Variants in ACKR2 observed in about 807,000 individuals in gnomAD.
The protein encoded by ACKR2 is C-C chemokine receptor D6.
For missense variants in ACKR2, 457 were observed against 477.3 expected (o/e 0.96, Z 0.40); for synonymous variants, 207 against 192.2 (o/e 1.08, Z -0.64).
chr3:42,859,632 C>T (rs1024839249), intron 2 of ACKR2, among the ~76,000 whole-genome samples: 15 of 152,210 alleles, frequency 9.9e-5, no homozygotes, highest in African/African-American at 1.7e-4. Context: ...CTGCTCACCT[C>T]GGCCTCCCAA....
At chr3:42,859,034 C>T (rs2088352028) in intron 2 of ACKR2, among the ~76,000 whole-genome samples, 1 of 152,014 alleles carries the variant, frequency 6.6e-6, no homozygotes, top group African/African-American at 2.4e-5. Context: ...TGTGAAAAGA[C>T]CAAGCCTACG....
In ACKR2 at chr3:42,865,835, C is replaced by T; in HGVS notation, c.*178C>T. 1.8e-6 allele frequency: 1 copy of T among 568,924 alleles called. No homozygotes were observed. Among genetic ancestry groups the T allele is most frequent in the East Asian group, 3.0e-5 (1 of 33,740 alleles). 35.2% of individuals were successfully genotyped at this position (568,924 alleles called of 1,614,324 possible). ...CTTCTTCCTCCACTTTCTTCACTTG[C>T]TTCCAGGATACCACGCTTTCTTTTC... is the stretch of plus-strand genomic sequence containing the variant. On this transcript the variant is annotated 3_prime_UTR_variant, in exon 3 of 3. Coordinates refer to ENST00000422265, the MANE Select transcript of ACKR2 (RefSeq NM_001296.5).
intron 2 of ACKR2, among the ~76,000 whole-genome samples, chr3:42,860,189 A>AAAAAAG (rs376833790): frequency 9.0e-6 from 1 of 111,520 alleles, no homozygotes; most frequent in African/African-American, 2.9e-5. Context: ...AAAAAAAAAA[A>AAAAAAG]GCAGGGGATG....
In ACKR2 at chr3:42,866,177, C is replaced by CTTT. The variant is rs59894863; in HGVS notation, c.*534_*536dup. 0.28 allele frequency: 33,623 copies of CTTT among 121,716 alleles called. 5,671 individuals carry two copies. The highest frequency in any genetic ancestry group is 0.53 in the East Asian group (2,160 of 4,052). 7.5% of individuals were successfully genotyped at this position (121,716 alleles called of 1,614,324 possible). A position where few individuals can be genotyped will look rare whatever the true frequency, so the allele number is the denominator to read the frequency against. On this transcript the variant is annotated 3_prime_UTR_variant, in exon 3 of 3. Coordinates refer to ENST00000422265, the MANE Select transcript of ACKR2 (RefSeq NM_001296.5). ...TTTTTTTTCTTTCTTTCTTTCTTTT[C>CTTT]TTTTTTTTTTTTTTTTGAGACGGAG...
intron 1 of ACKR2, among the ~76,000 whole-genome samples, chr3:42,813,324 G>A (rs539575676): frequency 4.6e-5 from 7 of 152,230 alleles, no homozygotes; most frequent in Admixed American, 1.3e-4. Context: ...AAAAATATAT[G>A]TATTGGTCTG....
At chr3:42,826,963 T>C (rs1700871644) in intron 2 of ACKR2, among the ~76,000 whole-genome samples, 1 of 152,234 alleles carries the variant, frequency 6.6e-6, no homozygotes, top group Non-Finnish European at 1.5e-5. Context: ...CCCTTGTGAT[T>C]TCTTCTTTGA....
At chr3:42,814,858 A>C (rs13062528) in intron 1 of ACKR2, among the ~76,000 whole-genome samples, 145,530 of 152,244 alleles carry the variant, frequency 0.96, 69,911 homozygotes, top group East Asian at 1. Context: ...GAGCAGTTTC[A>C]AAGGCTTCTT....
intron 2 of ACKR2, among the ~76,000 whole-genome samples, chr3:42,842,155 C>T (rs1325532424): frequency 6.6e-6 from 1 of 152,230 alleles, no homozygotes; most frequent in African/African-American, 2.4e-5. Context: ...GCATTAGAAA[C>T]AGCACAAACT....
At chr3:42,849,904 A>G (rs906875712) in intron 2 of ACKR2, among the ~76,000 whole-genome samples, 1 of 152,230 alleles carries the variant, frequency 6.6e-6, no homozygotes, top group Non-Finnish European at 1.5e-5. Context: ...TTAAAAGTAT[A>G]TAAAAATATA....
chr3:42,845,552 C>T lies in ACKR2; in HGVS notation c.-37-18914C>T, dbSNP rs900431798. On this transcript the variant is annotated intron_variant, in intron 2 of 2. Coordinates refer to ENST00000422265, the MANE Select transcript of ACKR2 (RefSeq NM_001296.5). The stretch of plus-strand genomic sequence containing the variant: ...AATTTTTTTGTATTTTTGGTGGAGA[C>T]GGGGTTTCACTGTGTTAGCCAAGCT... 2.0e-5 allele frequency among the ~76,000 whole-genome samples: 3 copies of T among 152,006 alleles called. No homozygotes were observed. The East Asian group carries it at 5.8e-4, about 29-fold the overall frequency.
intron 2 of ACKR2, among the ~76,000 whole-genome samples, chr3:42,829,524 G>T (rs1357364568): frequency 6.6e-6 from 1 of 152,152 alleles, no homozygotes; most frequent in Non-Finnish European, 1.5e-5. Flanking sequence ...TGAGCTCTTG[G>T]CTCTGCTGCT....
intron 2 of ACKR2, among the ~76,000 whole-genome samples, chr3:42,859,002 G>A (rs1480415828): frequency 6.6e-6 from 1 of 152,024 alleles, no homozygotes; most frequent in Admixed American, 6.6e-5. Flanking sequence ...AACGAACAAA[G>A]CCTCCAAGAA....
At chr3:42,846,761 C>A (rs962658298) in intron 2 of ACKR2, among the ~76,000 whole-genome samples, 1 of 152,170 alleles carries the variant, frequency 6.6e-6, no homozygotes, top group African/African-American at 2.4e-5. Flanking sequence ...AGGCTTTCTA[C>A]ATCAAAGCCT....
chr3:42,831,357 G>A (rs1362697367), intron 2 of ACKR2, among the ~76,000 whole-genome samples: 1 of 152,222 alleles, frequency 6.6e-6, no homozygotes, highest in Non-Finnish European at 1.5e-5. Context: ...ATGCCTGCCT[G>A]TTTCAAATCC....
At chr3:42,855,467 G>A (rs552998747) in intron 2 of ACKR2, among the ~76,000 whole-genome samples, 1 of 152,324 alleles carries the variant, frequency 6.6e-6, no homozygotes, top group South Asian at 2.1e-4. Context: ...AAAGTGATAG[G>A]AGGGAATGGT....
intron 2 of ACKR2, among the ~76,000 whole-genome samples, chr3:42,834,278 C>T (rs1165273669): frequency 6.6e-6 from 1 of 152,120 alleles, no homozygotes; most frequent in Non-Finnish European, 1.5e-5. Flanking sequence ...TATTATACCG[C>T]TATGGTGATC....
At chr3:42,815,698 A>T (rs1700741325) in intron 1 of ACKR2, among the ~76,000 whole-genome samples, 1 of 152,244 alleles carries the variant, frequency 6.6e-6, no homozygotes, top group Non-Finnish European at 1.5e-5. Flanking sequence ...TATAAGAAAC[A>T]CTAATATTTT....
chr3:42,847,535 T>C (rs1320203233), intron 2 of ACKR2, among the ~76,000 whole-genome samples: 1 of 152,198 alleles, frequency 6.6e-6, no homozygotes, highest in Non-Finnish European at 1.5e-5. Context: ...AGAGAAGGAC[T>C]GGACTGACTC....
chr3:42,818,114 A>G (rs1360234275), intron 1 of ACKR2, among the ~76,000 whole-genome samples: 3 of 152,084 alleles, frequency 2.0e-5, no homozygotes, highest in Non-Finnish European at 4.4e-5. Context: ...AGAGCTATCT[A>G]TTCAACTGTG....
Sources: allele counts gnomAD v4.1 joint callset (sites outside exome capture counted in the v4.1 genomes callset), GRCh38; gene constraint gnomAD v4.1.1; transcripts MANE v1.5; gene names NCBI Gene and HGNC (gene_info 2026-07-23, HGNC 2026-07-21).